ANKRD26: variants seen among roughly 807,000 people sequenced by gnomAD.
ANKRD26 encodes ankyrin repeat domain-containing protein 26.
A neutral mutation model predicts 208.7 loss-of-function variants in ANKRD26; 141 were observed. The ratio of observed to expected loss-of-function variants is 0.68; its 90% confidence interval spans 0.59 to 0.78. The LOEUF is 0.78. ANKRD26 is among the 30% of genes least tolerant of loss of function. The pLI is 0.00. For synonymous variants in ANKRD26, 636 were observed against 660.4 expected, an observed-to-expected ratio of 0.96 and a Z score of 0.57; for missense variants, 1,889 against 1,938.7, an observed-to-expected ratio of 0.97 and a Z score of 0.48.
chr10:26,997,389 G>C (rs2052616345), intron 4 of ANKRD26, among the ~76,000 whole-genome samples: 1 of 152,122 alleles, frequency 6.6e-6, no homozygotes, highest in Non-Finnish European at 1.5e-5. Flanking sequence ...AATTTGTTTT[G>C]TCAAGGTAGA....
chr10:26,967,970 C>T, the ANKRD26 span, among the ~76,000 whole-genome samples: 1 of 152,182 alleles, frequency 6.6e-6, no homozygotes. Flanking sequence ...CCTGCAACCC[C>T]TCAATCCGCA....
At chr10:27,021,891 T>C (rs1260044487) in intron 29 of ANKRD26, among the ~76,000 whole-genome samples, 1 of 152,148 alleles carries the variant, frequency 6.6e-6, no homozygotes, top group Non-Finnish European at 1.5e-5. Flanking sequence ...TTTAATGGGG[T>C]TGTTTTTTCC....
In ANKRD26 at chr10:27,024,885, A is replaced by G. The variant is rs116008044; in HGVS notation, c.3973-326T>C. 0.033 allele frequency among the ~76,000 whole-genome samples: 5,065 copies of G among 152,294 alleles called. 93 individuals are homozygous for G. The highest frequency in any genetic ancestry group is 0.039 in the Non-Finnish European group (2,646 of 68,002). On this transcript the variant is annotated intron_variant, in intron 27 of 33. Transcript: ENST00000376087. ...AAGTTGCTCTAGAAACACTGTCATC[A>G]GTAGTTCAAGATATTCCAGTTTTTG...
At chr10:27,049,347 A>G (rs1160862920) in intron 16 of ANKRD26, among the ~76,000 whole-genome samples, 1 of 152,166 alleles carries the variant, frequency 6.6e-6, no homozygotes, top group Non-Finnish European at 1.5e-5. Flanking sequence ...ACAAAGACAC[A>G]AGATGCATCT....
chr10:27,042,174 A>T (rs11015471), intron 20 of ANKRD26, among the ~76,000 whole-genome samples: 12,902 of 152,266 alleles, frequency 0.085, 666 homozygotes, highest in African/African-American at 0.15. Context: ...TTTTTGACAA[A>T]GGCACAATGG....
Position 27,093,780 on chromosome 10 carries a change from A to T in ANKRD26, c.262T>A (p.Cys88Ser). ...KMNRTALHLA[C>S]ANGHPEVVTL... Reference sequence around the variant, plus strand: ...ACTACTTCTGGATGACCATTGGCACAGGCCAAATGTAGAGCCGTCCTATGA... The same window carrying T: ...ACTACTTCTGGATGACCATTGGCACTGGCCAAATGTAGAGCCGTCCTATGA... Residue 88 changes from cysteine to serine, a missense_variant, in exon 2 of 34, where the codon TGT (cysteine) becomes AGT (serine). Cys to Ser is a moderately radical substitution (Grantham distance 112, BLOSUM62 -1). Around this residue, in one of 3 missense-constraint regions of ANKRD26, gnomAD observed 1,272 missense variants for 1,273.8 expected, o/e 1.00. Transcript: ENST00000376087. The T allele has an allele frequency of 6.2e-7, 1 of 1,614,194 alleles. No individual in the cohort carries two copies. The highest frequency in any genetic ancestry group is 8.5e-7 in the Non-Finnish European group (1 of 1,179,986).
intron 12 of ANKRD26, 114 bp from the exon 13 acceptor site, chr10:27,061,356 T>C: frequency 1.5e-6 from 1 of 655,626 alleles, no homozygotes. Flanking sequence ...ATTAGTGCAG[T>C]TTTTTAAAAT....
At chr10:27,028,381 G>A (rs1319347449) in intron 27 of ANKRD26, among the ~76,000 whole-genome samples, 1 of 151,884 alleles carries the variant, frequency 6.6e-6, no homozygotes, top group Non-Finnish European at 1.5e-5. Context: ...CGGATCATGA[G>A]GTCAGGAGAT....
chr10:27,074,673 C>T (rs1028480245), intron 9 of ANKRD26, among the ~76,000 whole-genome samples: 14 of 150,734 alleles, frequency 9.3e-5, no homozygotes, highest in African/African-American at 3.4e-4. Context: ...GACTCTGTCT[C>T]GAGGGGGGAA....
In ANKRD26 at chr10:27,061,142, AC is replaced by A; in HGVS notation, c.1462+1del. The A allele has an allele frequency of 6.3e-7, 1 of 1,597,638 alleles. No homozygotes were observed. Among genetic ancestry groups the A allele is most frequent in the Non-Finnish European group, 8.6e-7 (1 of 1,165,456 alleles). On this transcript the variant is annotated splice_donor_variant, in intron 13 of 33. Transcript: ENST00000376087. LOFTEE classifies it high-confidence loss of function. The stretch of plus-strand genomic sequence containing the variant: ...ACAAAAATACGCATTTTTTTTCCAT[AC>A]CCATGTGGGCTACTGGCATGCCTAC...
chr10:27,032,496 C>T (rs981912427), intron 25 of ANKRD26, among the ~76,000 whole-genome samples: 1 of 151,990 alleles, frequency 6.6e-6, no homozygotes, highest in Non-Finnish European at 1.5e-5. Flanking sequence ...ATTAGCCAGG[C>T]GTGGTGGTGG....
intron 9 of ANKRD26, among the ~76,000 whole-genome samples, chr10:27,074,896 C>T (rs1244361063): frequency 1.3e-5 from 2 of 151,992 alleles, no homozygotes; most frequent in South Asian, 2.1e-4. Context: ...TCAGCAGAAA[C>T]CTTAACAAGC....
chr10:27,036,230 C>T (rs549925427), intron 23 of ANKRD26, among the ~76,000 whole-genome samples: 2 of 152,010 alleles, frequency 1.3e-5, no homozygotes, highest in East Asian at 1.9e-4. Flanking sequence ...TTTCTCACAT[C>T]TTTATAGTCA....
At chr10:27,062,103 T>A in intron 12 of ANKRD26, 1 of 985,320 alleles carries the variant, frequency 1.0e-6, no homozygotes, top group Non-Finnish European at 1.2e-6. Flanking sequence ...CCACTCACGA[T>A]CTCTCTTCTT....
intron 33 of ANKRD26, 107 bp from the exon 34 acceptor site, chr10:27,005,830 A>G (rs2052855782): frequency 2.2e-6 from 3 of 1,365,184 alleles, no homozygotes; most frequent in South Asian, 1.6e-5. Flanking sequence ...AATAAGAAAG[A>G]AAAATATGTA....
chr10:27,078,922 A>G (rs1457648955), intron 7 of ANKRD26, among the ~76,000 whole-genome samples, 167 bp downstream of exon 7: 1 of 151,782 alleles, frequency 6.6e-6, no homozygotes, highest in Non-Finnish European at 1.5e-5. Context: ...AAAAAAAAAA[A>G]AAAAAAAGAA....
chr10:27,025,330 C>T (rs10829161), intron 27 of ANKRD26, among the ~76,000 whole-genome samples: 74,556 of 151,794 alleles, frequency 0.49, 20,347 homozygotes, highest in Non-Finnish European at 0.62. Context: ...ACCACCACAT[C>T]GGCTAATTTA....
At chr10:27,041,258 C>T (rs562558295) in intron 20 of ANKRD26, among the ~76,000 whole-genome samples, 42 of 151,280 alleles carry the variant, frequency 2.8e-4, no homozygotes, top group African/African-American at 1.0e-3. Flanking sequence ...ACAGAGAACC[C>T]TGGAGATCTA....
At chr10:26,962,743 G>A in the ANKRD26 span, among the ~76,000 whole-genome samples, 1 of 151,888 alleles carries the variant, frequency 6.6e-6, no homozygotes, top group Non-Finnish European at 1.5e-5. Context: ...GCAAAATCCT[G>A]TCTCTAAAAA....
Sources: gnomAD v4.1 joint callset for allele counts (sites outside exome capture counted in the v4.1 genomes callset) on GRCh38, gnomAD v4.1.1 for gene constraint, gnomAD v4.1.1 regional missense constraint, MANE v1.5 for transcripts, NCBI Gene and HGNC (gene_info 2026-07-23, HGNC 2026-07-21) for gene names.